RBFOX1: variants seen among roughly 807,000 people sequenced by gnomAD.
The protein encoded by RBFOX1 is RNA binding protein fox-1 homolog 1.
Under a neutral mutation model 57.7 loss-of-function variants are expected in RBFOX1, and 8 were observed. The observed-to-expected ratio is 0.14, with a 90% CI of 0.08 to 0.25. The LOEUF (loss-of-function observed/expected upper bound fraction) is 0.25. Among genes scored for constraint, RBFOX1 ranks in the 10% least tolerant of loss-of-function variants. RBFOX1 has a pLI of 1.00. For synonymous variants in RBFOX1, 326 were observed against 222.4 expected (o/e 1.47, Z -4.15); for missense variants, 611 against 548.5 (o/e 1.11, Z -1.14).
chr16:6,654,695 A>T (rs930986176), intron 3 of RBFOX1, 45 bp downstream of exon 3: 2 of 1,433,036 alleles, frequency 1.4e-6, no homozygotes, highest in East Asian at 2.6e-5. Context: ...CAAAACAAGA[A>T]CTCTGTGAAT....
intron 4 of RBFOX1, among the ~76,000 whole-genome samples, chr16:7,269,925 G>C (rs1201124068): frequency 6.6e-6 from 1 of 152,086 alleles, no homozygotes; most frequent in African/African-American, 2.4e-5. Context: ...ACATTATTTG[G>C]TATTATTACA....
intron 1 of RBFOX1, among the ~76,000 whole-genome samples, chr16:6,113,965 G>A (rs1296678341): frequency 6.6e-6 from 1 of 152,160 alleles, no homozygotes; most frequent in Non-Finnish European, 1.5e-5. Flanking sequence ...GTTCTAAATA[G>A]AGCAGGTTTC....
chr16:7,559,732 G>A (rs373981661), intron 5 of RBFOX1, among the ~76,000 whole-genome samples: 7 of 152,140 alleles, frequency 4.6e-5, no homozygotes, highest in Admixed American at 2.6e-4. Flanking sequence ...AGAACTTTGC[G>A]GGCCTTTCGC....
At chr16:6,884,138 C>T (rs2063496648) in intron 3 of RBFOX1, among the ~76,000 whole-genome samples, 1 of 152,204 alleles carries the variant, frequency 6.6e-6, no homozygotes, top group Non-Finnish European at 1.5e-5. Flanking sequence ...CTCGACCGAG[C>T]AGAGCTACTG....
At chr16:6,339,904 C>G (rs2084294151) in intron 2 of RBFOX1, among the ~76,000 whole-genome samples, 2 of 151,988 alleles carry the variant, frequency 1.3e-5, no homozygotes, top group Non-Finnish European at 2.9e-5. Context: ...GTCTTGAACT[C>G]CAGACCTCAT....
At chr16:5,986,301 C>T (rs978626004) in intron 4 of RBFOX1, among the ~76,000 whole-genome samples, 1 of 152,168 alleles carries the variant, frequency 6.6e-6, no homozygotes, top group African/African-American at 2.4e-5. Context: ...TGACCTCAGG[C>T]CATCTACCCG....
intron 4 of RBFOX1, among the ~76,000 whole-genome samples, chr16:7,239,723 T>C (rs1471592101): frequency 6.6e-6 from 1 of 152,164 alleles, no homozygotes; most frequent in African/African-American, 2.4e-5. Flanking sequence ...GTTAGCTGGT[T>C]AGAATTTGCT....
rs1345974017 is a variant in RBFOX1 at position 6,450,796 on chromosome 16, T to C, written c.-64+133739T>C. Among the ~76,000 whole-genome samples the C allele has an allele frequency of 4.1e-3, 66 of 15,946 alleles. 6 individuals are homozygous for C. Among genetic ancestry groups the C allele is most frequent in the African/African-American group, 0.027 (61 of 2,260 alleles). The allele number at this position is 15,946 out of a possible 152,430, so 10.5% of individuals were successfully genotyped here. A position where few individuals can be genotyped will look rare whatever the true frequency, so the allele number is the denominator to read the frequency against. On this transcript the variant is annotated intron_variant, in intron 2 of 15. Transcript: ENST00000550418. ...ATATATATATATATATATACATATATATATGTATATATATATATATACATA... is the reference window on the plus strand; with the variant it reads ...ATATATATATATATATATACATATACATATGTATATATATATATATACATA...
chr16:6,761,592 C>G (rs2076613056), intron 3 of RBFOX1, among the ~76,000 whole-genome samples: 2 of 128,808 alleles, frequency 1.6e-5, no homozygotes, highest in South Asian at 5.6e-4. Context: ...ACTGTAACCT[C>G]TGCCTCCCAG....
intron 1 of RBFOX1, among the ~76,000 whole-genome samples, chr16:5,245,751 T>C (rs2062282922): frequency 6.6e-6 from 1 of 151,668 alleles, no homozygotes; most frequent in Admixed American, 6.6e-5. Context: ...TATTAATTTT[T>C]ATGAAATATT....
At chr16:7,305,105 A>G (rs900735172) in intron 4 of RBFOX1, among the ~76,000 whole-genome samples, 3 of 144,470 alleles carry the variant, frequency 2.1e-5, no homozygotes, top group Non-Finnish European at 4.5e-5. Context: ...CTTTGTTGGC[A>G]TGTGTTAGGG....
chr16:7,420,729 C>A (rs778587105), intron 4 of RBFOX1, among the ~76,000 whole-genome samples: 2 of 151,148 alleles, frequency 1.3e-5, no homozygotes, highest in Non-Finnish European at 2.9e-5. Flanking sequence ...AAATGTATGA[C>A]TTCAATTACA....
At chr16:7,650,794 G>A (rs1306310506) in intron 11 of RBFOX1, among the ~76,000 whole-genome samples, 1 of 152,158 alleles carries the variant, frequency 6.6e-6, no homozygotes, top group Non-Finnish European at 1.5e-5. Context: ...AAAATCCAGG[G>A]TGTTCCTCTG....
intron 2 of RBFOX1, among the ~76,000 whole-genome samples, chr16:6,500,938 G>T (rs2095898959): frequency 9.1e-6 from 1 of 109,804 alleles, no homozygotes; most frequent in South Asian, 3.3e-4. Context: ...TTAAGTTTTG[G>T]GTTGGTGTTG....
intron 2 of RBFOX1, among the ~76,000 whole-genome samples, chr16:6,595,414 T>C (rs1241875655): frequency 6.6e-6 from 1 of 152,220 alleles, no homozygotes; most frequent in African/African-American, 2.4e-5. Context: ...AGCCAAATAA[T>C]ATTACGTTAT....
At chr16:6,837,315 T>C (rs1425965171) in intron 3 of RBFOX1, among the ~76,000 whole-genome samples, 1 of 152,226 alleles carries the variant, frequency 6.6e-6, no homozygotes, top group Non-Finnish European at 1.5e-5. Flanking sequence ...TGCTTCCATT[T>C]TGTAGATGTG....
At chr16:7,421,345 C>T (rs888012305) in intron 4 of RBFOX1, among the ~76,000 whole-genome samples, 3 of 152,134 alleles carry the variant, frequency 2.0e-5, no homozygotes, top group African/African-American at 4.8e-5. Flanking sequence ...TCTTAAACTG[C>T]ATGTATTTAT....
chr16:7,230,206 G>T (rs2093419675), intron 4 of RBFOX1, among the ~76,000 whole-genome samples: 1 of 151,828 alleles, frequency 6.6e-6, no homozygotes, highest in East Asian at 1.9e-4. Flanking sequence ...ATCTGTATAT[G>T]TCAGTCACTG....
At chr16:5,608,931 C>T (rs2047680697) in intron 3 of RBFOX1, among the ~76,000 whole-genome samples, 1 of 152,222 alleles carries the variant, frequency 6.6e-6, no homozygotes. Context: ...AGGTTTTACC[C>T]TTTACAGAAA....
Sources: allele counts gnomAD v4.1 joint callset (sites outside exome capture counted in the v4.1 genomes callset), GRCh38; gene constraint gnomAD v4.1.1; transcripts MANE v1.5; gene names NCBI Gene and HGNC (gene_info 2026-07-23, HGNC 2026-07-21).